PPP6R3: variants seen among roughly 807,000 people sequenced by gnomAD.
The protein encoded by PPP6R3 is serine/threonine-protein phosphatase 6 regulatory subunit 3.
PPP6R3 carries 38 observed loss-of-function variants against 110.7 expected under a neutral mutation model. The observed-to-expected ratio is 0.34, with a 90% CI of 0.26 to 0.45. The LOEUF (loss-of-function observed/expected upper bound fraction) is 0.45. Among genes scored for constraint, PPP6R3 ranks in the 20% least tolerant of loss-of-function variants. PPP6R3 has a pLI of 1.00. For synonymous variants in PPP6R3, 369 were observed against 373.5 expected, an observed-to-expected ratio of 0.99 and a Z score of 0.14; for missense variants, 870 against 1,062.4, an observed-to-expected ratio of 0.82 and a Z score of 2.52.
rs1157617908 is a variant in PPP6R3 at position 68,496,853 on chromosome 11, CTTTTTTTTTTTT to C, written c.-157-22633_-157-22622del. Among the ~76,000 whole-genome samples, 24 of 61,274 alleles carry C rather than the reference CTTTTTTTTTTTT, an allele frequency of 3.9e-4. No individual in the cohort carries two copies. In the East Asian group the frequency reaches 7.5e-3, roughly 19 times the overall value. 40.2% of individuals were successfully genotyped at this position (61,274 alleles called of 152,430 possible). ...TTTCTTAATTATTCCATATTCTTGT[CTTTTTTTTTTTT>C]TTTTTTTTTTTTTTGAGACAGAGTC... On this transcript the variant is annotated intron_variant, in intron 1 of 23. Coordinates refer to ENST00000393800, the MANE Select transcript of PPP6R3 (RefSeq NM_001164161.2).
rs755620010 is a variant in PPP6R3 at position 68,564,414 on chromosome 11, C to T, written c.957C>T (p.Leu319=). ...IRGRLGSFHE[L]LLEPPKKSVM... ...GAAGACTTGGATCTTTTCATGAACT[C>T]CTGCTGGAGCCACCCAAGGTAGGGG... Residue 319 remains leucine, a synonymous_variant, in exon 9 of 24, where the codon CTC becomes CTT. Coordinates refer to ENST00000393800, the MANE Select transcript of PPP6R3 (RefSeq NM_001164161.2). The T allele has an allele frequency of 1.9e-6, 3 of 1,614,012 alleles. No individual in the cohort carries two copies. In the Admixed American group the frequency reaches 5.0e-5, roughly 27 times the overall value.
intron 1 of PPP6R3, among the ~76,000 whole-genome samples, chr11:68,475,673 G>A (rs1265121945): frequency 2.6e-5 from 4 of 151,554 alleles, no homozygotes; most frequent in African/African-American, 9.7e-5. Flanking sequence ...GGCTGGCCGG[G>A]CGGGGGCTGC....
chr11:68,542,620 C>T (rs2099325974), intron 3 of PPP6R3, among the ~76,000 whole-genome samples: 1 of 152,086 alleles, frequency 6.6e-6, no homozygotes, highest in Middle Eastern at 3.4e-3. Context: ...TCATGAACTC[C>T]TGACCTCTGG....
chr11:68,610,804 A>G (rs1213857394), intron 23 of PPP6R3, among the ~76,000 whole-genome samples: 1 of 152,154 alleles, frequency 6.6e-6, no homozygotes, highest in Non-Finnish European at 1.5e-5. Context: ...TAAGGAATAA[A>G]ATGACCTTTA....
At chr11:68,499,947 C>T (rs967386696) in intron 1 of PPP6R3, among the ~76,000 whole-genome samples, 11 of 152,100 alleles carry the variant, frequency 7.2e-5, no homozygotes, top group African/African-American at 2.2e-4. Context: ...ATGTATATAT[C>T]GTGAATATCT....
At chr11:68,598,628 G>C (rs1405868132) in intron 19 of PPP6R3, among the ~76,000 whole-genome samples, 1 of 152,202 alleles carries the variant, frequency 6.6e-6, no homozygotes, top group Non-Finnish European at 1.5e-5. Flanking sequence ...ACCAGTCTCT[G>C]TGGCTTCTGT....
intron 1 of PPP6R3, among the ~76,000 whole-genome samples, chr11:68,515,687 T>C (rs2099133074): frequency 6.6e-6 from 1 of 152,198 alleles, no homozygotes; most frequent in Non-Finnish European, 1.5e-5. Context: ...CATGTGCACG[T>C]GGTGTCTCAT....
At chr11:68,542,392 T>TTTTTTTTTTTTTTTTTTTG (rs2099322805) in intron 3 of PPP6R3, among the ~76,000 whole-genome samples, 1 of 99,144 alleles carries the variant, frequency 1.0e-5, no homozygotes, top group Non-Finnish European at 2.0e-5. Flanking sequence ...AGCTGCTGTT[T>TTTTTTTTTTTTTTTTTTTG]TTTTTTTTTT....
At chr11:68,471,396 A>T (rs907056210) in intron 1 of PPP6R3, among the ~76,000 whole-genome samples, 2 of 152,120 alleles carry the variant, frequency 1.3e-5, no homozygotes, top group African/African-American at 4.8e-5. Flanking sequence ...GCAGCCTAGA[A>T]GGTGGAAGGA....
intron 1 of PPP6R3, among the ~76,000 whole-genome samples, chr11:68,484,228 A>T (rs948423394): frequency 2.0e-5 from 3 of 152,226 alleles, no homozygotes; most frequent in Middle Eastern, 3.2e-3. Context: ...TTACTTCGGC[A>T]GATACCAAGG....
intron 1 of PPP6R3, among the ~76,000 whole-genome samples, chr11:68,510,565 G>A (rs769372831): frequency 3.7e-4 from 56 of 151,818 alleles, no homozygotes; most frequent in Non-Finnish European, 6.8e-4. Flanking sequence ...CGAACTCCTG[G>A]GCTCAGGTGA....
intron 1 of PPP6R3, among the ~76,000 whole-genome samples, chr11:68,473,390 CTGA>C (rs1193086175): frequency 6.6e-6 from 1 of 152,236 alleles, no homozygotes; most frequent in Non-Finnish European, 1.5e-5. Context: ...CATGGAAGCT[CTGA>C]GCCCCTCCCC....
chr11:68,585,880 T>C (rs1352512500), intron 15 of PPP6R3, among the ~76,000 whole-genome samples: 1 of 152,232 alleles, frequency 6.6e-6, no homozygotes, highest in Non-Finnish European at 1.5e-5. Context: ...GCATTCTATT[T>C]TTGAAGCATT....
intron 14 of PPP6R3, among the ~76,000 whole-genome samples, chr11:68,576,580 A>T (rs967326002): frequency 5.9e-5 from 9 of 152,126 alleles, no homozygotes; most frequent in South Asian, 4.1e-4. Context: ...TAATTTTTTT[A>T]AAAATTATAT....
At chr11:68,501,935 G>A (rs2099050921) in intron 1 of PPP6R3, among the ~76,000 whole-genome samples, 1 of 152,186 alleles carries the variant, frequency 6.6e-6, no homozygotes, top group South Asian at 2.1e-4. Flanking sequence ...ACATAGAACT[G>A]AACCAGTTTT....
At chr11:68,463,715 C>T (rs1158760854) in intron 1 of PPP6R3, among the ~76,000 whole-genome samples, 2 of 152,208 alleles carry the variant, frequency 1.3e-5, no homozygotes, top group Non-Finnish European at 2.9e-5. Context: ...AAAGATCTGG[C>T]CTCTTGGCTT....
intron 2 of PPP6R3, among the ~76,000 whole-genome samples, chr11:68,521,516 A>G (rs2099164192): frequency 6.6e-6 from 1 of 152,116 alleles, no homozygotes. Flanking sequence ...GCTCGTCAGC[A>G]TGCTGTCCTA....
At chr11:68,477,741 A>T (rs11228252) in intron 1 of PPP6R3, among the ~76,000 whole-genome samples, 4,383 of 57,608 alleles carry the variant, frequency 0.076, 169 homozygotes, top group East Asian at 0.19. Flanking sequence ...AAAAAAAAAA[A>T]ATATATATAT....
intron 19 of PPP6R3, 63 bp from the exon 20 acceptor site, chr11:68,600,278 A>C (rs1018356217): frequency 6.5e-7 from 1 of 1,529,892 alleles, no homozygotes; most frequent in African/African-American, 1.4e-5. Flanking sequence ...TTTTTGATAA[A>C]TACCTTGTGG....
Sources: allele counts gnomAD v4.1 joint callset (sites outside exome capture counted in the v4.1 genomes callset), GRCh38; gene constraint gnomAD v4.1.1; transcripts MANE v1.5; gene names NCBI Gene and HGNC (gene_info 2026-07-23, HGNC 2026-07-21).